The following ERICH1 variants were observed in gnomAD, a reference collection of about 807,000 sequenced individuals.
The protein encoded by ERICH1 is glutamate rich 1, also known as glutamate-rich protein 1.
ERICH1 carries 56 observed loss-of-function variants against 39.6 expected under a neutral mutation model. The observed-to-expected ratio is 1.41, with a 90% CI of 1.14 to 1.77. The LOEUF (loss-of-function observed/expected upper bound fraction) is 1.77, where lower values mean the gene tolerates loss of function less well. Among genes scored for constraint, ERICH1 ranks in the 40% most tolerant of loss-of-function variants. ERICH1 has a pLI of 0.00. For synonymous variants in ERICH1, 313 were observed against 223.6 expected, an observed-to-expected ratio of 1.40 and a Z score of -3.57; for missense variants, 826 against 575.4, an observed-to-expected ratio of 1.44 and a Z score of -4.45.
At chr8:700,595 C>T (rs544905122) in intron 2 of ERICH1, among the ~76,000 whole-genome samples, 22 of 147,956 alleles carry the variant, frequency 1.5e-4, no homozygotes, top group African/African-American at 5.0e-4. Context: ...CACATGCACA[C>T]GCCTGACAGC....
intron 3 of ERICH1, among the ~76,000 whole-genome samples, chr8:680,123 T>C (rs111489154): frequency 0.29 from 2,387 of 8,368 alleles, no homozygotes; most frequent in Non-Finnish European, 0.33. Context: ...AGAGAATCCA[T>C]AGCTGCCACC....
rs527423004 is a variant in ERICH1, at chr8:620,251, G to A, written c.977-4967C>T. Among the ~76,000 whole-genome samples the A allele has an allele frequency of 4.4e-3, 672 of 152,326 alleles. 3 individuals carry two copies. The highest frequency in any genetic ancestry group is 6.7e-3 in the Non-Finnish European group (453 of 68,026). On this transcript the variant is annotated intron_variant, in intron 3 of 3. Coordinates refer to the ERICH1 transcript ENST00000522706. Reference sequence around the variant, plus strand: ...CACTTGAATCCAGGAGGCGGAGGTTGTAGTGAGCCGAGATTGTGCCACTGC... The same window carrying A: ...CACTTGAATCCAGGAGGCGGAGGTTATAGTGAGCCGAGATTGTGCCACTGC...
chr8:664,470 G>C lies in ERICH1; in HGVS notation c.*133C>G. 1 of 1,291,148 alleles carries C rather than the reference G, an allele frequency of 7.7e-7. No individual in the cohort carries two copies. The highest frequency in any genetic ancestry group is 9.8e-7 in the Non-Finnish European group (1 of 1,016,348). The allele number at this position is 1,291,148 out of a possible 1,614,324, so 80.0% of individuals were successfully genotyped here. A position where few individuals can be genotyped will look rare whatever the true frequency, so the allele number is the denominator to read the frequency against. On this transcript the variant is annotated 3_prime_UTR_variant, in exon 6 of 6. Coordinates refer to ENST00000262109, the MANE Select transcript of ERICH1 (RefSeq NM_207332.3). ...CCTCAGATGGCATCTTGCCCACCAG[G>C]AACAAACACGTGAATAAATAATATG...
intron 3 of ERICH1, among the ~76,000 whole-genome samples, chr8:637,314 C>G (rs550428830): frequency 1.2e-4 from 19 of 152,348 alleles, no homozygotes; most frequent in African/African-American, 4.6e-4. Context: ...CCTCAGTGGC[C>G]TGAGTGGGTA....
Position 695,906 on chromosome 8 carries a change from A to G in ERICH1, c.170-3294T>C, listed in dbSNP as rs113253295. On this transcript the variant is annotated intron_variant, in intron 2 of 5. Coordinates refer to ENST00000262109, the MANE Select transcript of ERICH1 (RefSeq NM_207332.3). ...CTCTCCTTCCTCCCCATCAGCCTGC[A>G]CTCGCTCCTCTCACCCTCCACTCCT... is the stretch of plus-strand genomic sequence containing the variant. Among the ~76,000 whole-genome samples, 483 of 29,380 alleles carry G rather than the reference A, an allele frequency of 0.016. 60 individuals carry two copies. In the East Asian group the frequency reaches 0.31, roughly 19 times the overall value. 19.3% of individuals were successfully genotyped at this position (29,380 alleles called of 152,430 possible).
In ERICH1 at chr8:708,191, A is replaced by G. The variant is rs1813739034; in HGVS notation, c.169+7670T>C. On this transcript the variant is annotated intron_variant, in intron 2 of 5. Transcript: ENST00000262109. ...GAACCTTTGTACAATGCTGGTGGAC[A>G]TGTAATATGGTTCAGCTGCTGTGGA... Among the ~76,000 whole-genome samples, 3 of 152,228 alleles carry G rather than the reference A, an allele frequency of 2.0e-5. No homozygotes were observed. In the South Asian group the frequency reaches 6.2e-4, roughly 32 times the overall value.
chr8:664,529 C>G lies in ERICH1; in HGVS notation c.*74G>C. ...GTCTTTCAAGTTCCCAGAGAACTAA[C>G]TCTAAGCCCATCTCACATTTGTCTT... On this transcript the variant is annotated 3_prime_UTR_variant, in exon 6 of 6. Coordinates refer to ENST00000262109, the MANE Select transcript of ERICH1 (RefSeq NM_207332.3). 1 of 1,544,686 alleles carries G rather than the reference C, an allele frequency of 6.5e-7. No homozygotes were observed. Among genetic ancestry groups the G allele is most frequent in the Non-Finnish European group, 8.7e-7 (1 of 1,146,848 alleles).
chr8:692,076 G>A (rs13251790), intron 3 of ERICH1, among the ~76,000 whole-genome samples: 77,258 of 152,084 alleles, frequency 0.51, 19,599 homozygotes, highest in Middle Eastern at 0.61. Flanking sequence ...CTTGATTACA[G>A]ATTTGATGTA....
At chr8:684,422 A>C (rs1806837490) in intron 3 of ERICH1, among the ~76,000 whole-genome samples, 1 of 151,442 alleles carries the variant, frequency 6.6e-6, no homozygotes, top group Non-Finnish European at 1.5e-5. Context: ...AAAAATGTTA[A>C]AATGAGGTTA....
intron 1 of ERICH1, among the ~76,000 whole-genome samples, chr8:724,132 C>T (rs763585535): frequency 2.0e-5 from 3 of 152,170 alleles, no homozygotes; most frequent in Non-Finnish European, 4.4e-5. Context: ...ACGCCATGAC[C>T]GATCTGACAT....
intron 3 of ERICH1, among the ~76,000 whole-genome samples, chr8:682,392 G>T (rs1806329855): frequency 6.6e-6 from 1 of 152,228 alleles, no homozygotes; most frequent in African/African-American, 2.4e-5. Flanking sequence ...CCCTGAGCAT[G>T]TGCTCTATGC....
intron 2 of ERICH1, among the ~76,000 whole-genome samples, chr8:712,491 A>G (rs543625894): frequency 7.6e-4 from 116 of 152,262 alleles, no homozygotes; most frequent in African/African-American, 2.7e-3. Context: ...GTGCAGTGAC[A>G]TGATCTCGGC....
chr8:661,937 GCAGGGATTCTGTGGAACCTA>G (rs576441571), downstream of ERICH1, among the ~76,000 whole-genome samples: 958 of 152,176 alleles, frequency 6.3e-3, 2 homozygotes, highest in Non-Finnish European at 0.01. Flanking sequence ...CCCCGCAGTG[GCAGGGATTCTGTGGAACCTA>G]CAGGGATTCT....
intron 1 of ERICH1, among the ~76,000 whole-genome samples, chr8:726,236 G>A (rs1818612954): frequency 6.6e-6 from 1 of 152,196 alleles, no homozygotes; most frequent in South Asian, 2.1e-4. Flanking sequence ...GGTATCACAG[G>A]CAAGTTGCAG....
chr8:629,447 T>A (rs1398726722), intron 3 of ERICH1, among the ~76,000 whole-genome samples: 1 of 148,806 alleles, frequency 6.7e-6, no homozygotes, highest in Admixed American at 6.7e-5. Context: ...CAGACAGAGC[T>A]GACTCACACG....
At chr8:679,175 A>G (rs1055731515) in intron 3 of ERICH1, among the ~76,000 whole-genome samples, 2 of 122,282 alleles carry the variant, frequency 1.6e-5, no homozygotes, top group East Asian at 5.2e-4. Context: ...CACCCCTCAC[A>G]GCACCCACCC....
chr8:624,008 G>A (rs914937478), intron 3 of ERICH1, among the ~76,000 whole-genome samples: 24 of 152,054 alleles, frequency 1.6e-4, no homozygotes, highest in African/African-American at 4.6e-4. Context: ...CTAATCTAAC[G>A]AGGGACTAAT....
Position 617,891 on chromosome 8 carries a change from G to A in ERICH1, c.977-2607C>T, listed in dbSNP as rs1001800333. Among the ~76,000 whole-genome samples, 4 of 144,140 alleles carry A rather than the reference G, an allele frequency of 2.8e-5. No homozygotes were observed. In the East Asian group the frequency reaches 8.5e-4, roughly 31 times the overall value. 94.6% of individuals were successfully genotyped at this position (144,140 alleles called of 152,430 possible). A position where few individuals can be genotyped will look rare whatever the true frequency, so the allele number is the denominator to read the frequency against. Reference sequence around the variant, plus strand: ...TCCATCTGTTCTCACTGCCCTCTGAGTGCTCGGTACTTGGTCCATCTCACT... The same window carrying A: ...TCCATCTGTTCTCACTGCCCTCTGAATGCTCGGTACTTGGTCCATCTCACT... On this transcript the variant is annotated intron_variant, in intron 3 of 3. Coordinates refer to the ERICH1 transcript ENST00000522706.
intron 2 of ERICH1, among the ~76,000 whole-genome samples, chr8:709,282 C>T (rs1462915893): frequency 1.3e-5 from 2 of 152,174 alleles, no homozygotes; most frequent in Non-Finnish European, 2.9e-5. Flanking sequence ...GGGCATCAGA[C>T]TTGACAGACC....
Sources: gnomAD v4.1 joint callset for allele counts (sites outside exome capture counted in the v4.1 genomes callset) on GRCh38, gnomAD v4.1.1 for gene constraint, MANE v1.5 for transcripts, NCBI Gene and HGNC (gene_info 2026-07-23, HGNC 2026-07-21) for gene names.